The following CCBE1 variants were observed in gnomAD, a reference collection of about 807,000 sequenced individuals.
The protein encoded by CCBE1 is collagen and calcium binding EGF domains 1.
In CCBE1, 37 loss-of-function variants were observed where a neutral mutation model predicts 50.0. That is an observed-to-expected ratio of 0.74 (90% CI 0.57 to 0.97). CCBE1 has a LOEUF of 0.97. Among genes scored for constraint, CCBE1 ranks in the 50% least tolerant of loss-of-function variants. The probability of loss-of-function intolerance (pLI) is 0.00; values close to 1 mark genes in which losing one functional copy is unlikely to be tolerated. For missense variants in CCBE1, 538 were observed against 523.8 expected (o/e 1.03, Z -0.26); for synonymous variants, 234 against 203.7 (o/e 1.15, Z -1.27).
chr18:59,447,426 G>A (rs1910727411), intron 7 of CCBE1, among the ~76,000 whole-genome samples: 1 of 152,164 alleles, frequency 6.6e-6, no homozygotes, highest in Admixed American at 6.5e-5. Flanking sequence ...AAATACATCT[G>A]TCAAAATTTG....
chr18:59,460,962 A>T (rs1370749146), intron 5 of CCBE1, among the ~76,000 whole-genome samples: 1 of 150,110 alleles, frequency 6.7e-6, no homozygotes, highest in Non-Finnish European at 1.5e-5. Flanking sequence ...TAAATAAATA[A>T]ATAAATAATA....
chr18:59,620,785 T>A (rs182828209), intron 2 of CCBE1, among the ~76,000 whole-genome samples: 1 of 152,328 alleles, frequency 6.6e-6, no homozygotes. Flanking sequence ...TCTCCAGCCA[T>A]GTGGAACTGT....
intron 2 of CCBE1, among the ~76,000 whole-genome samples, chr18:59,502,558 TA>T (rs976706102): frequency 2.5e-4 from 38 of 152,274 alleles, no homozygotes; most frequent in African/African-American, 8.9e-4. Flanking sequence ...CACTTTCAAT[TA>T]TTTATCTAAA....
chr18:59,646,471 G>C (rs931249452), intron 2 of CCBE1, among the ~76,000 whole-genome samples: 3 of 152,152 alleles, frequency 2.0e-5, no homozygotes, highest in African/African-American at 7.2e-5. Flanking sequence ...CTGCACCCAG[G>C]GCATGCTGGT....
At chr18:59,534,647 A>G (rs1362192165) in intron 2 of CCBE1, among the ~76,000 whole-genome samples, 2 of 152,240 alleles carry the variant, frequency 1.3e-5, no homozygotes, top group African/African-American at 4.8e-5. Flanking sequence ...CTATGAGATC[A>G]GGAACTCTGG....
chr18:59,541,592 C>G (rs746740386), intron 2 of CCBE1, among the ~76,000 whole-genome samples: 2 of 152,062 alleles, frequency 1.3e-5, no homozygotes, highest in African/African-American at 2.4e-5. Flanking sequence ...TTCAGATCTT[C>G]CGAGAAACAG....
At chr18:59,687,528 C>G (rs566294915) in intron 2 of CCBE1, among the ~76,000 whole-genome samples, 99 of 152,302 alleles carry the variant, frequency 6.5e-4, no homozygotes, top group Admixed American at 6.3e-3. Flanking sequence ...CTTTGTTTCT[C>G]TCACTTCAGA....
intron 2 of CCBE1, chr18:59,563,604 G>A (rs961875770): frequency 1.2e-4 from 18 of 152,194 alleles, no homozygotes; most frequent in African/African-American, 3.4e-4. Flanking sequence ...TTCAGTGGAC[G>A]CCTGGAAGCT....
intron 2 of CCBE1, among the ~76,000 whole-genome samples, chr18:59,497,755 C>A (rs1913422685): frequency 6.6e-6 from 1 of 152,172 alleles, no homozygotes; most frequent in Admixed American, 6.5e-5. Flanking sequence ...GAAAACTGCC[C>A]AGCCCGCAGT....
intron 2 of CCBE1, among the ~76,000 whole-genome samples, chr18:59,659,528 C>T (rs547323092): frequency 6.6e-6 from 1 of 152,244 alleles, no homozygotes; most frequent in African/African-American, 2.4e-5. Flanking sequence ...AATTTTAATT[C>T]ACCGCATGCC....
intron 2 of CCBE1, among the ~76,000 whole-genome samples, chr18:59,611,764 A>G (rs1188995233): frequency 6.6e-6 from 1 of 152,184 alleles, no homozygotes; most frequent in East Asian, 1.9e-4. Flanking sequence ...AAATAAAAAA[A>G]GGAAGCATTT....
intron 5 of CCBE1, among the ~76,000 whole-genome samples, chr18:59,463,006 C>T (rs1343004339): frequency 6.6e-6 from 1 of 152,252 alleles, no homozygotes; most frequent in Non-Finnish European, 1.5e-5. Flanking sequence ...AGAGGTCACA[C>T]TGGTCATCAA....
intron 2 of CCBE1, among the ~76,000 whole-genome samples, chr18:59,483,602 A>T (rs1912677463): frequency 6.6e-6 from 1 of 152,250 alleles, no homozygotes; most frequent in South Asian, 2.1e-4. Context: ...TAAAAATTTC[A>T]TAAAATCCCT....
intron 2 of CCBE1, among the ~76,000 whole-genome samples, chr18:59,552,441 T>C (rs928896630): frequency 9.8e-5 from 15 of 152,336 alleles, no homozygotes; most frequent in African/African-American, 3.6e-4. Context: ...ATCCAGCTTT[T>C]GTCAAGATTA....
At chr18:59,628,713 C>G (rs549834796) in intron 2 of CCBE1, among the ~76,000 whole-genome samples, 1 of 152,152 alleles carries the variant, frequency 6.6e-6, no homozygotes, top group East Asian at 1.9e-4. Flanking sequence ...GCTCCTCACC[C>G]GAGGACCCAG....
intron 2 of CCBE1, among the ~76,000 whole-genome samples, chr18:59,626,865 G>A (rs910239703): frequency 2.0e-5 from 3 of 152,252 alleles, no homozygotes; most frequent in East Asian, 3.8e-4. Context: ...TTGAGCCCTT[G>A]ATTCCACAGC....
chr18:59,597,919 T>C (rs2053378008), intron 2 of CCBE1, among the ~76,000 whole-genome samples: 1 of 152,152 alleles, frequency 6.6e-6, no homozygotes, highest in African/African-American at 2.4e-5. Flanking sequence ...AAAGGGTAAA[T>C]AGTTTATTTC....
rs142138274 is a variant in CCBE1 at position 59,649,311 on chromosome 18, A to G, written c.212+47318T>C. Among the ~76,000 whole-genome samples, 619 of 152,338 alleles carry G rather than the reference A, an allele frequency of 4.1e-3. 6 individuals carry two copies. The highest frequency in any genetic ancestry group is 0.014 in the African/African-American group (562 of 41,578). On this transcript the variant is annotated intron_variant, in intron 2 of 10. Coordinates refer to ENST00000439986, the MANE Select transcript of CCBE1 (RefSeq NM_133459.4). The stretch of plus-strand genomic sequence containing the variant: ...ACTCCATCAGTTTTGTGAGCACAGC[A>G]AATACACTGTGCATGTCAAACATCC...
chr18:59,484,538 C>T (rs1328257401), intron 2 of CCBE1, among the ~76,000 whole-genome samples: 1 of 152,226 alleles, frequency 6.6e-6, no homozygotes, highest in Non-Finnish European at 1.5e-5. Flanking sequence ...ACTGTCCACG[C>T]AGTGGAGTAA....
Sources: gnomAD v4.1 joint callset for allele counts (sites outside exome capture counted in the v4.1 genomes callset) on GRCh38, gnomAD v4.1.1 for gene constraint, MANE v1.5 for transcripts, NCBI Gene and HGNC (gene_info 2026-07-23, HGNC 2026-07-21) for gene names.